SIDT1: variants seen among roughly 807,000 people sequenced by gnomAD.
SIDT1 encodes SID1 transmembrane family, member 1.
Under a neutral mutation model 107.5 loss-of-function variants are expected in SIDT1, and 101 were observed. The ratio of observed to expected loss-of-function variants is 0.94; its 90% CI spans 0.80 to 1.11. The LOEUF (loss-of-function observed/expected upper bound fraction) is 1.11. Among genes scored for constraint, SIDT1 ranks in the 50% least tolerant of loss-of-function variants. The pLI is 0.00. For missense variants in SIDT1, 1,076 were observed against 1,058.2 expected (o/e 1.02, Z -0.23); for synonymous variants, 395 against 398.2 (o/e 0.99, Z 0.10).
intron 20 of SIDT1, among the ~76,000 whole-genome samples, chr3:113,619,471 T>C (rs936683907): frequency 1.3e-5 from 2 of 152,252 alleles, no homozygotes; most frequent in Non-Finnish European, 2.9e-5. Context: ...TTCTCAGGGA[T>C]GAAGTCAGGT....
chr3:113,566,400 C>G lies in SIDT1; in HGVS notation c.223-20C>G, dbSNP rs185759975. 5.0e-6 allele frequency: 8 copies of G among 1,611,554 alleles called. No individual in the cohort carries two copies. The highest frequency in any genetic ancestry group is 2.2e-5 in the East Asian group (1 of 44,798). ...TGCATGTGCACGTTTTGCATTACCTCTTTCTACCCTGCCATGCAGGTGACA... is the reference window on the plus strand; with the variant it reads ...TGCATGTGCACGTTTTGCATTACCTGTTTCTACCCTGCCATGCAGGTGACA... On this transcript the variant is annotated intron_variant, in intron 1 of 24. Transcript: ENST00000264852.
intron 7 of SIDT1, among the ~76,000 whole-genome samples, chr3:113,584,202 T>C (rs1273458162): frequency 2.0e-5 from 3 of 152,254 alleles, no homozygotes; most frequent in Non-Finnish European, 4.4e-5. Context: ...AAATTTCTCC[T>C]AGTGTGTTCT....
chr3:113,604,977 G>T lies in SIDT1; in HGVS notation c.1404+1G>T, dbSNP rs775141191. The T allele has an allele frequency of 1.4e-5, 23 of 1,613,878 alleles. No homozygotes were observed. Among genetic ancestry groups the T allele is most frequent in the Non-Finnish European group, 1.7e-5 (20 of 1,180,016 alleles). On this transcript the variant is annotated splice_donor_variant, in intron 14 of 24. Coordinates refer to ENST00000264852, the MANE Select transcript of SIDT1 (RefSeq NM_017699.3). LOFTEE classifies it high-confidence loss of function. ...CCAGCTGGTCATTACCTATCAGACAGTAAGTGCTGCCCCAGCCCCAGCCCC... is the reference window on the plus strand; with the variant it reads ...CCAGCTGGTCATTACCTATCAGACATTAAGTGCTGCCCCAGCCCCAGCCCC...
intron 23 of SIDT1, 48 bp from the exon 24 acceptor site, chr3:113,626,054 A>C: frequency 7.8e-7 from 1 of 1,286,412 alleles, no homozygotes; most frequent in Non-Finnish European, 1.1e-6. Flanking sequence ...CTCTTTGAAC[A>C]GTTGAACTGT....
At chr3:113,544,603 C>T (rs78037524) in intron 1 of SIDT1, among the ~76,000 whole-genome samples, 52 of 152,298 alleles carry the variant, frequency 3.4e-4, no homozygotes, top group African/African-American at 1.3e-3. Flanking sequence ...GAATGTCTCA[C>T]AATTCAGATT....
chr3:113,609,376 AT>A (rs1384416219), intron 17 of SIDT1, among the ~76,000 whole-genome samples: 1 of 152,016 alleles, frequency 6.6e-6, no homozygotes, highest in Non-Finnish European at 1.5e-5. Context: ...CCATGAGCCC[AT>A]TTTTGAATCA....
chr3:113,611,225 G>T, intron 18 of SIDT1, 81 bp downstream of exon 18: 1 of 1,512,858 alleles, frequency 6.6e-7, no homozygotes, highest in Non-Finnish European at 8.9e-7. Flanking sequence ...CAAGTGAACG[G>T]GTTTGGATTA....
chr3:113,632,607 G>A (rs530722134), downstream of SIDT1: 1 of 152,282 alleles, frequency 6.6e-6, no homozygotes, highest in Admixed American at 6.5e-5. Context: ...CATAGAATCA[G>A]AAATACACCT....
intron 4 of SIDT1, among the ~76,000 whole-genome samples, chr3:113,579,864 G>A (rs961502885): frequency 6.6e-6 from 1 of 152,118 alleles, no homozygotes; most frequent in Non-Finnish European, 1.5e-5. Context: ...TCATCATTAA[G>A]GACAAGTTTA....
At chr3:113,625,281 C>T (rs1471016208) in intron 23 of SIDT1, among the ~76,000 whole-genome samples, 3 of 151,930 alleles carry the variant, frequency 2.0e-5, no homozygotes, top group Admixed American at 6.6e-5. Flanking sequence ...GGACTACAGG[C>T]GCCCACCACC....
chr3:113,581,597 G>T (rs1159699022), intron 6 of SIDT1, 153 bp downstream of exon 6: 4 of 646,788 alleles, frequency 6.2e-6, no homozygotes, highest in Non-Finnish European at 1.1e-5. Context: ...GTCTGGCCAG[G>T]CGCAGTGGCT....
At chr3:113,572,308 G>A (rs573638115) in intron 3 of SIDT1, among the ~76,000 whole-genome samples, 4 of 152,346 alleles carry the variant, frequency 2.6e-5, no homozygotes, top group African/African-American at 7.2e-5. Context: ...GGAGAGCTCT[G>A]AGTTACAGTT....
chr3:113,554,883 G>C (rs1940675206), intron 1 of SIDT1, among the ~76,000 whole-genome samples: 1 of 152,082 alleles, frequency 6.6e-6, no homozygotes, highest in East Asian at 1.9e-4. Flanking sequence ...GCTTTCCCTA[G>C]ACTTTGACTT....
chr3:113,606,899 C>T (rs889937987), intron 14 of SIDT1, 142 bp from the exon 15 acceptor site: 10 of 578,092 alleles, frequency 1.7e-5, no homozygotes, highest in African/African-American at 1.1e-4. Context: ...CAGATAATGG[C>T]CCATCTGTGC....
At chr3:113,570,104 C>T (rs752043710) in intron 3 of SIDT1, among the ~76,000 whole-genome samples, 15 of 152,084 alleles carry the variant, frequency 9.9e-5, no homozygotes, top group Non-Finnish European at 1.5e-4. Flanking sequence ...CGGATTTGAC[C>T]ATGTTGCCCA....
At chr3:113,625,676 G>A (rs1946803247) in intron 23 of SIDT1, among the ~76,000 whole-genome samples, 1 of 152,116 alleles carries the variant, frequency 6.6e-6, no homozygotes, top group Admixed American at 6.5e-5. Context: ...TCATATGCCT[G>A]TTTGCCATTT....
At chr3:113,596,497 G>C (rs1201580001) in intron 10 of SIDT1, among the ~76,000 whole-genome samples, 1 of 152,202 alleles carries the variant, frequency 6.6e-6, no homozygotes, top group Non-Finnish European at 1.5e-5. Flanking sequence ...GCCTGGGTGA[G>C]ATGGAAATAC....
At chr3:113,588,826 A>C (rs1576869281) in intron 9 of SIDT1, 2 of 152,086 alleles carry the variant, frequency 1.3e-5, no homozygotes, top group South Asian at 2.1e-4. Context: ...AAAAAAAAAA[A>C]AAACTTCAGT....
At chr3:113,540,583 A>G (rs1178631281) in intron 1 of SIDT1, among the ~76,000 whole-genome samples, 3 of 152,158 alleles carry the variant, frequency 2.0e-5, no homozygotes, top group Non-Finnish European at 4.4e-5. Flanking sequence ...TGTTAGGCTC[A>G]TTGTTTCATT....
Sources: allele counts gnomAD v4.1 joint callset (sites outside exome capture counted in the v4.1 genomes callset), GRCh38; gene constraint gnomAD v4.1.1; transcripts MANE v1.5; gene names NCBI Gene and HGNC (gene_info 2026-07-23, HGNC 2026-07-21).